Variants in GCC2 observed in about 807,000 individuals in gnomAD.
GCC2 encodes GRIP and coiled-coil domain-containing protein 2.
In GCC2, 120 loss-of-function variants were observed where a neutral mutation model predicts 210.6. The ratio of observed to expected loss-of-function variants is 0.57; its 90% CI spans 0.49 to 0.66. The LOEUF is 0.66. GCC2 is among the 30% of genes least tolerant of loss of function. The probability of loss-of-function intolerance (pLI) is 0.00; values close to 1 mark genes in which losing one functional copy is unlikely to be tolerated. For synonymous variants in GCC2, 703 were observed against 652.7 expected, an observed-to-expected ratio of 1.08 and a Z score of -1.17; for missense variants, 1,868 against 1,871.9, an observed-to-expected ratio of 1.00 and a Z score of 0.04.
chr2:108,461,348 G>A (rs76057306), intron 4 of GCC2, among the ~76,000 whole-genome samples: 2,845 of 151,920 alleles, frequency 0.019, 81 homozygotes, highest in African/African-American at 0.065. Flanking sequence ...ATTTATGGCA[G>A]TGGACTATAA....
rs889959359 is a variant in GCC2, at chr2:108,489,884, G to C, written c.4099G>C (p.Asp1367His). The C allele has an allele frequency of 3.1e-6, 5 of 1,607,938 alleles. No individual in the cohort carries two copies. Among genetic ancestry groups the C allele is most frequent in the Non-Finnish European group, 4.2e-6 (5 of 1,177,252 alleles). ...LIDQLKIKLQ[D>H]SQNNLQINVS... is the part of the protein sequence containing the mutation. Reference sequence around the variant, plus strand: ...TGACCAGCTAAAAATCAAATTACAAGATAGCCAAAATAACTTACAGATTAA... The same window carrying C: ...TGACCAGCTAAAAATCAAATTACAACATAGCCAAAATAACTTACAGATTAA... The change falls in exon 18 of 23, where the codon GAT becomes CAT. Residue 1367 changes from aspartate (D) to histidine (H), a missense_variant. By Grantham distance (81) the Asp-to-His change is moderately conservative. Coordinates refer to ENST00000309863, the MANE Select transcript of GCC2 (RefSeq NM_181453.4).
intron 21 of GCC2, among the ~76,000 whole-genome samples, chr2:108,498,773 T>G: frequency 6.6e-6 from 1 of 151,938 alleles, no homozygotes; most frequent in Non-Finnish European, 1.5e-5. Context: ...TCTGAACTTT[T>G]GTTTTGATTA....
chr2:108,468,152 C>T (rs1352262016), intron 4 of GCC2, among the ~76,000 whole-genome samples: 1 of 151,956 alleles, frequency 6.6e-6, no homozygotes, highest in Non-Finnish European at 1.5e-5. Flanking sequence ...ACCCCCACCT[C>T]CTGGGTTCAA....
chr2:108,454,050 GCA>G (rs944283159), intron 4 of GCC2, among the ~76,000 whole-genome samples: 1 of 151,994 alleles, frequency 6.6e-6, no homozygotes, highest in Non-Finnish European at 1.5e-5. Flanking sequence ...GAGTGCAGTG[GCA>G]CAATCTCGGC....
intron 4 of GCC2, among the ~76,000 whole-genome samples, chr2:108,465,490 C>T (rs2104436465): frequency 6.6e-6 from 1 of 152,192 alleles, no homozygotes; most frequent in East Asian, 1.9e-4. Context: ...AGTTTTTTAT[C>T]CCTAGCTCCC....
intron 15 of GCC2, 127 bp downstream of exon 15, chr2:108,486,035 C>A (rs12619704): frequency 0.4 from 229,647 of 567,250 alleles, 51,652 homozygotes; most frequent in East Asian, 0.83. Flanking sequence ...GAGGAAGTTA[C>A]AACAATAAAT....
chr2:108,480,502 A>C (rs1014682421), intron 9 of GCC2, among the ~76,000 whole-genome samples: 4 of 152,182 alleles, frequency 2.6e-5, no homozygotes, highest in African/African-American at 9.7e-5. Flanking sequence ...AATCAACCGA[A>C]AGGCCTGTCA....
chr2:108,449,544 G>A, intron 1 of GCC2, 89 bp from the exon 2 acceptor site: 6 of 1,376,880 alleles, frequency 4.4e-6, no homozygotes, highest in Non-Finnish European at 6.2e-6. Context: ...TGATTCCATA[G>A]AAGGTTTTTC....
chr2:108,484,521 C>T (rs929574420), intron 13 of GCC2: 7 of 283,020 alleles, frequency 2.5e-5, no homozygotes, highest in African/African-American at 1.5e-4. Context: ...ATGGTAATGC[C>T]TAGGTCTTCT....
At chr2:108,500,385 C>A (rs1010228153) in intron 22 of GCC2, among the ~76,000 whole-genome samples, 1 of 152,034 alleles carries the variant, frequency 6.6e-6, no homozygotes, top group Non-Finnish European at 1.5e-5. Context: ...TGGTGGCATG[C>A]GCCTATAGTC....
At chr2:108,474,705 C>T (rs1392199237) in intron 7 of GCC2, 2 of 152,138 alleles carry the variant, frequency 1.3e-5, no homozygotes, top group African/African-American at 4.8e-5. Context: ...CACCTGTCCC[C>T]TACCCTCTTT....
intron 21 of GCC2, among the ~76,000 whole-genome samples, chr2:108,497,865 A>G (rs1028164292): frequency 3.3e-5 from 5 of 152,212 alleles, no homozygotes; most frequent in African/African-American, 4.8e-5. Context: ...GTTGAGAGAA[A>G]AATTGAAGCT....
chr2:108,497,307 C>T (rs1182615840), intron 21 of GCC2, among the ~76,000 whole-genome samples, 198 bp downstream of exon 21: 4 of 152,150 alleles, frequency 2.6e-5, no homozygotes, highest in Admixed American at 2.6e-4. Flanking sequence ...TTAGTAGAGA[C>T]AGGGTTTACC....
At chr2:108,476,294 G>C (rs1003777532) in intron 9 of GCC2, among the ~76,000 whole-genome samples, 1 of 151,900 alleles carries the variant, frequency 6.6e-6, no homozygotes, top group Non-Finnish European at 1.5e-5. Context: ...TCCTGACCTC[G>C]TGATCCACCT....
intron 17 of GCC2, among the ~76,000 whole-genome samples, chr2:108,488,280 A>T (rs1033868073): frequency 1.3e-5 from 2 of 152,118 alleles, no homozygotes; most frequent in African/African-American, 4.8e-5. Flanking sequence ...TCTTGGCTTC[A>T]CTGTGTCTGC....
intron 14 of GCC2, 39 bp from the exon 15 acceptor site, chr2:108,485,792 A>G: frequency 6.9e-7 from 1 of 1,442,338 alleles, no homozygotes; most frequent in South Asian, 1.2e-5. Context: ...ATTTATGAGT[A>G]ACATTAAAAA....
At chr2:108,489,240 G>C (rs1007161003) in intron 17 of GCC2, among the ~76,000 whole-genome samples, 1 of 152,230 alleles carries the variant, frequency 6.6e-6, no homozygotes, top group Non-Finnish European at 1.5e-5. Context: ...AGTGCGCCAG[G>C]CATGGCGGTT....
At chr2:108,450,881 CAAAAA>C (rs537360874) in intron 2 of GCC2, 142 bp from the exon 3 acceptor site, 7 of 573,900 alleles carry the variant, frequency 1.2e-5, no homozygotes, top group African/African-American at 9.7e-5. Context: ...GACTCTGTCT[CAAAAA>C]AAAAATGTGG....
At chr2:108,487,675 G>T in intron 16 of GCC2, 24 bp from the exon 17 acceptor site, 1 of 1,583,840 alleles carries the variant, frequency 6.3e-7, no homozygotes, top group Non-Finnish European at 8.6e-7. Flanking sequence ...GTAGAAAAAC[G>T]TTTCTCTCTT....
Sources: gnomAD v4.1 joint callset for allele counts (sites outside exome capture counted in the v4.1 genomes callset) on GRCh38, gnomAD v4.1.1 for gene constraint, MANE v1.5 for transcripts, NCBI Gene and HGNC (gene_info 2026-07-23, HGNC 2026-07-21) for gene names.